Variants in IFT74 observed in about 807,000 individuals in gnomAD.
IFT74 encodes the protein intraflagellar transport protein 74 homolog.
IFT74 carries 92 observed loss-of-function variants against 96.7 expected under a neutral mutation model. The observed-to-expected ratio is 0.95, with a 90% CI of 0.80 to 1.13. IFT74 has a LOEUF of 1.13. IFT74 is among the 50% of genes most tolerant of loss of function. IFT74 has a pLI of 0.00. For synonymous variants in IFT74, 223 were observed against 213.2 expected, an observed-to-expected ratio of 1.05 and a Z score of -0.40; for missense variants, 811 against 698.2, an observed-to-expected ratio of 1.16 and a Z score of -1.82.
intron 13 of IFT74, among the ~76,000 whole-genome samples, chr9:27,043,795 G>A (rs1819576970): frequency 6.6e-6 from 1 of 152,094 alleles, no homozygotes; most frequent in South Asian, 2.1e-4. Context: ...GCTCTTAAAT[G>A]TCACAAATAA....
chr9:27,014,567 T>C (rs1829255075), intron 10 of IFT74, among the ~76,000 whole-genome samples: 1 of 152,166 alleles, frequency 6.6e-6, no homozygotes, highest in Non-Finnish European at 1.5e-5. Flanking sequence ...TAAGATAACA[T>C]GTCACTAATT....
At chr9:27,053,814 A>C (rs933795169) in intron 16 of IFT74, among the ~76,000 whole-genome samples, 1 of 152,200 alleles carries the variant, frequency 6.6e-6, no homozygotes. Flanking sequence ...AATAGTCAAA[A>C]TATCTACAGG....
chr9:27,022,628 G>GA (rs1037961606), intron 12 of IFT74, among the ~76,000 whole-genome samples: 3 of 150,822 alleles, frequency 2.0e-5, no homozygotes, highest in Non-Finnish European at 2.9e-5. Context: ...GTTGTGAAAG[G>GA]AGTTGAGTTC....
At chr9:26,986,131 T>A (rs1827622167) in intron 6 of IFT74, among the ~76,000 whole-genome samples, 1 of 151,216 alleles carries the variant, frequency 6.6e-6, no homozygotes, top group Admixed American at 6.6e-5. Context: ...TCACTACCCT[T>A]ATTAAGAAAT....
chr9:27,060,573 T>C lies in IFT74; in HGVS notation c.1624-18T>C. The C allele has an allele frequency of 9.0e-6, 14 of 1,561,554 alleles. No individual in the cohort carries two copies. Among genetic ancestry groups the C allele is most frequent in the Admixed American group, 3.5e-5 (2 of 57,740 alleles). ...TTAAATATGGGTCCTAATTAATATT[T>C]TTCTTTTATGTTTTTAGCTTACAAA... On this transcript the variant is annotated intron_variant, in intron 18 of 19. Transcript: ENST00000380062.
chr9:26,985,166 A>AGCT (rs1827581554), intron 6 of IFT74, among the ~76,000 whole-genome samples: 1 of 152,212 alleles, frequency 6.6e-6, no homozygotes, highest in African/African-American at 2.4e-5. Context: ...ACATGGATGG[A>AGCT]GCTGGAGGTC....
At chr9:26,988,627 A>G in intron 6 of IFT74, 42 bp from the exon 7 acceptor site, 6 of 1,498,996 alleles carry the variant, frequency 4.0e-6, no homozygotes, top group Non-Finnish European at 5.5e-6. Flanking sequence ...ATGTGTAAAG[A>G]CTAACAAAAT....
At position 26,969,485 on chromosome 9, in the gene IFT74, A is replaced by G. The variant is rs112005493; in HGVS notation, c.120+7398A>G. 4.3e-3 allele frequency among the ~76,000 whole-genome samples: 661 copies of G among 151,964 alleles called. 3 individuals carry two copies. The highest frequency in any genetic ancestry group is 7.9e-3 in the Non-Finnish European group (535 of 67,934). On this transcript the variant is annotated intron_variant, in intron 2 of 19. Transcript: ENST00000380062. ...GATACGTTTCTCATAGTCAGGATAT[A>G]GTTGGATTATGTTGTTGTTGTTTTT...
At chr9:27,044,905 A>G in intron 14 of IFT74, 110 bp downstream of exon 14, 1 of 596,416 alleles carries the variant, frequency 1.7e-6, no homozygotes, top group South Asian at 2.6e-5. Flanking sequence ...TAAATGCAGA[A>G]GTGTGGACAT....
intron 13 of IFT74, among the ~76,000 whole-genome samples, chr9:27,032,387 G>C (rs7857669): frequency 6.6e-6 from 1 of 151,932 alleles, no homozygotes; most frequent in Non-Finnish European, 1.5e-5. Flanking sequence ...ATTCATACCA[G>C]GAAATGACAA....
At chr9:26,969,530 T>C (rs1359440999) in intron 2 of IFT74, among the ~76,000 whole-genome samples, 1 of 152,126 alleles carries the variant, frequency 6.6e-6, no homozygotes, top group Non-Finnish European at 1.5e-5. Context: ...TCTGCTAATA[T>C]GTATCTTTTA....
chr9:26,998,279 A>G (rs762427395), intron 8 of IFT74: 31 of 1,197,068 alleles, frequency 2.6e-5, no homozygotes, highest in Non-Finnish European at 3.3e-5. Flanking sequence ...TAATCAGAAA[A>G]AAAATTAATA....
rs372611609 is a variant in IFT74, at chr9:27,009,171, A to G, written c.726+13A>G. On this transcript the variant is annotated intron_variant, in intron 9 of 19. Coordinates refer to ENST00000380062, the MANE Select transcript of IFT74 (RefSeq NM_025103.4). ...GAAACTGTTACAGGTAATACAAATT[A>G]CTGCTGTGTGCCAAGCATGTATCAT... 146 of 1,607,688 alleles carry G rather than the reference A, an allele frequency of 9.1e-5. No homozygotes were observed. In the African/African-American group the frequency reaches 1.7e-3, roughly 19 times the overall value.
At position 27,064,533 on chromosome 9, in the gene IFT74, A is replaced by G. The variant is rs1820551050; in HGVS notation, c.*1797A>G. The stretch of plus-strand genomic sequence containing the variant: ...CTTTATGGATATACCCGACTGCTGA[A>G]AAACATTCATCTTTTATACAGTAAC... On this transcript the variant is annotated 3_prime_UTR_variant, in exon 20 of 20. Coordinates refer to ENST00000380062, the MANE Select transcript of IFT74 (RefSeq NM_025103.4). 6.6e-6 allele frequency among the ~76,000 whole-genome samples: 1 copy of G among 152,142 alleles called. No homozygotes were observed. Among genetic ancestry groups the G allele is most frequent in the Non-Finnish European group, 1.5e-5 (1 of 67,976 alleles).
At chr9:27,048,709 G>A (rs1236477642) in intron 16 of IFT74, among the ~76,000 whole-genome samples, 3 of 152,186 alleles carry the variant, frequency 2.0e-5, no homozygotes, top group African/African-American at 7.2e-5. Context: ...TGTACATGCT[G>A]GTTAGGCCAG....
chr9:27,014,130 G>GC (rs2131612419), intron 10 of IFT74, among the ~76,000 whole-genome samples: 1 of 152,204 alleles, frequency 6.6e-6, no homozygotes, highest in Non-Finnish European at 1.5e-5. Context: ...CAGAAGAATG[G>GC]CATGAACCCA....
intron 8 of IFT74, chr9:26,994,741 A>T (rs993169550): frequency 6.6e-6 from 1 of 152,604 alleles, no homozygotes; most frequent in Non-Finnish European, 1.5e-5. Flanking sequence ...CATGGACCAC[A>T]TGAAGATTCC....
chr9:27,055,351 G>T (rs1218553062), intron 16 of IFT74, among the ~76,000 whole-genome samples: 1 of 152,002 alleles, frequency 6.6e-6, no homozygotes, highest in Non-Finnish European at 1.5e-5. Flanking sequence ...AAACTTAAAT[G>T]TTTGTTAGCA....
At chr9:26,979,690 C>G (rs1827274755) in intron 3 of IFT74, among the ~76,000 whole-genome samples, 1 of 146,058 alleles carries the variant, frequency 6.8e-6, no homozygotes, top group Admixed American at 6.9e-5. Flanking sequence ...GACATTTAAC[C>G]TAGGAACACT....
Sources: gnomAD v4.1 joint callset for allele counts (sites outside exome capture counted in the v4.1 genomes callset) on GRCh38, gnomAD v4.1.1 for gene constraint, MANE v1.5 for transcripts, NCBI Gene and HGNC (gene_info 2026-07-23, HGNC 2026-07-21) for gene names.